PHACTR4: variants seen among roughly 807,000 people sequenced by gnomAD.
PHACTR4 encodes protein phosphatase 1, regulatory subunit 124.
Under a neutral mutation model 72.7 loss-of-function variants are expected in PHACTR4, and 51 were observed. The ratio of observed to expected loss-of-function variants is 0.70; its 90% CI spans 0.56 to 0.89. The LOEUF is 0.89. PHACTR4 is among the 40% of genes least tolerant of loss of function. The pLI is 0.00. For synonymous variants in PHACTR4, 255 were observed against 302.5 expected (o/e 0.84, Z 1.63); for missense variants, 731 against 861.8 (o/e 0.85, Z 1.90).
At chr1:28,417,185 A>G (rs755037219) in intron 2 of PHACTR4, among the ~76,000 whole-genome samples, 6 of 152,134 alleles carry the variant, frequency 3.9e-5, no homozygotes, top group Non-Finnish European at 7.4e-5. Context: ...GGTTTTGTGG[A>G]CAATTTAATT....
chr1:28,380,291 C>G (rs967512893), intron 1 of PHACTR4, among the ~76,000 whole-genome samples: 5 of 151,492 alleles, frequency 3.3e-5, no homozygotes, highest in Non-Finnish European at 7.4e-5. Context: ...CTCCTGACCT[C>G]GTGATCCGCC....
At chr1:28,395,998 T>C (rs1653473833) in intron 1 of PHACTR4, among the ~76,000 whole-genome samples, 1 of 149,136 alleles carries the variant, frequency 6.7e-6, no homozygotes, top group Non-Finnish European at 1.5e-5. Flanking sequence ...TTTCCATTTG[T>C]AAAACTCAGT....
At position 28,485,667 on chromosome 1, in the gene PHACTR4, G is replaced by A. The variant is rs193247082; in HGVS notation, c.1761-3503G>A. ...TATAATCCCAATACTTTGGGAGGCC[G>A]AGGCAGGCGTATCACGAGGTCAGGA... On this transcript the variant is annotated intron_variant, in intron 9 of 13. Coordinates refer to ENST00000373839, the MANE Select transcript of PHACTR4 (RefSeq NM_001048183.3). Among the ~76,000 whole-genome samples the A allele has an allele frequency of 1.3e-4, 19 of 151,518 alleles. No individual in the cohort carries two copies. In the East Asian group the frequency reaches 2.3e-3, roughly 19 times the overall value.
chr1:28,394,251 TAAA>T (rs552494493), intron 1 of PHACTR4, among the ~76,000 whole-genome samples: 5 of 53,358 alleles, frequency 9.4e-5, no homozygotes, highest in South Asian at 4.7e-4. Context: ...TTTTAGAAAG[TAAA>T]AAAAAAAAAA....
intron 1 of PHACTR4, among the ~76,000 whole-genome samples, chr1:28,380,981 C>T (rs1652114866): frequency 6.6e-6 from 1 of 151,640 alleles, no homozygotes; most frequent in Admixed American, 6.6e-5. Context: ...TCTTTTTCTC[C>T]ACAATCTCGC....
chr1:28,395,930 C>T (rs904803568), intron 1 of PHACTR4, among the ~76,000 whole-genome samples: 1 of 142,454 alleles, frequency 7.0e-6, no homozygotes, highest in Non-Finnish European at 1.5e-5. Context: ...TCCCAAAGTG[C>T]TGGGATTACA....
At chr1:28,392,175 AGT>A (rs1366182733) in intron 1 of PHACTR4, among the ~76,000 whole-genome samples, 1 of 152,128 alleles carries the variant, frequency 6.6e-6, no homozygotes, top group Non-Finnish European at 1.5e-5. Flanking sequence ...CATTCTGAGT[AGT>A]GTGATGAAAT....
intron 1 of PHACTR4, among the ~76,000 whole-genome samples, chr1:28,405,350 C>T (rs915435464): frequency 1.3e-5 from 2 of 151,538 alleles, no homozygotes; most frequent in Admixed American, 6.6e-5. Context: ...TTTTTGAGAC[C>T]GAATCTTACT....
At chr1:28,488,548 G>T (rs1210215336) in intron 9 of PHACTR4, among the ~76,000 whole-genome samples, 2 of 152,058 alleles carry the variant, frequency 1.3e-5, no homozygotes, top group African/African-American at 2.4e-5. Context: ...CCAGCAGTTT[G>T]GGGGGCCAAG....
In PHACTR4 at chr1:28,473,605, C is replaced by G. The variant is rs1659719444; in HGVS notation, c.875C>G (p.Pro292Arg). Residue 292 changes from proline to arginine, a missense_variant, in exon 7 of 14, where the codon CCA becomes CGA. Transcript: ENST00000373839. ...NSGTLLSKPSPPLPPKRGIPS... is the reference protein window; with the variant it reads ...NSGTLLSKPSRPLPPKRGIPS... ...GGTACATTGTTATCAAAACCGTCCC[C>G]ACCCTTACCACCTAAGAGAGGCATT... 6.2e-7 allele frequency: 1 copy of G among 1,613,876 alleles called. No homozygotes were observed. The highest frequency in any genetic ancestry group is 1.3e-5 in the African/African-American group (1 of 74,880).
intron 6 of PHACTR4, among the ~76,000 whole-genome samples, chr1:28,472,079 G>C (rs890691241): frequency 6.6e-6 from 1 of 152,064 alleles, no homozygotes; most frequent in South Asian, 2.1e-4. Context: ...CGGGAGTGGT[G>C]GTGGGCGCCT....
At position 28,498,123 on chromosome 1, in the gene PHACTR4, TCTC is replaced by T. The variant is rs1277975117; in HGVS notation, c.*1580_*1582del. The T allele has an allele frequency of 2.0e-5, 3 of 152,312 alleles. No individual in the cohort carries two copies. Among genetic ancestry groups the T allele is most frequent in the Non-Finnish European group, 2.9e-5 (2 of 68,042 alleles). The allele number at this position is 152,312 out of a possible 1,614,324, so 9.4% of individuals were successfully genotyped here. A position where few individuals can be genotyped will look rare whatever the true frequency, so the allele number is the denominator to read the frequency against. On this transcript the variant is annotated 3_prime_UTR_variant, in exon 14 of 14. Transcript: ENST00000373839. ...AAATCACTTCGACCAATAAATGTAT[TCTC>T]CTCCTTAAAGCAGAGTTGTATCAAC...
At chr1:28,459,387 TC>T in intron 3 of PHACTR4, 129 bp downstream of exon 3, 1 of 737,932 alleles carries the variant, frequency 1.4e-6, no homozygotes, top group Non-Finnish European at 2.1e-6. Flanking sequence ...TTTTATTCTT[TC>T]CTTCTTCTTT....
chr1:28,407,573 C>A, intron 2 of PHACTR4, 110 bp downstream of exon 2: 2 of 831,334 alleles, frequency 2.4e-6, no homozygotes, highest in Non-Finnish European at 3.8e-6. Flanking sequence ...ATGCTACTCT[C>A]TAGAATAATG....
intron 2 of PHACTR4, among the ~76,000 whole-genome samples, chr1:28,443,215 T>C (rs561946760): frequency 9.2e-5 from 14 of 152,264 alleles, no homozygotes; most frequent in Admixed American, 8.5e-4. Flanking sequence ...TAACTTAAAA[T>C]AATGTCCTTA....
chr1:28,464,547 A>G (rs1419469784), intron 4 of PHACTR4, among the ~76,000 whole-genome samples: 2 of 151,704 alleles, frequency 1.3e-5, no homozygotes, highest in African/African-American at 4.8e-5. Flanking sequence ...GACCATCTCA[A>G]CTCCAGCTCA....
chr1:28,404,666 G>A (rs1224032848), intron 1 of PHACTR4, among the ~76,000 whole-genome samples: 1 of 152,140 alleles, frequency 6.6e-6, no homozygotes, highest in African/African-American at 2.4e-5. Flanking sequence ...TTGGGGAACT[G>A]TTACTCTTCC....
intron 2 of PHACTR4, among the ~76,000 whole-genome samples, chr1:28,434,952 T>C (rs1001256311): frequency 2.6e-5 from 4 of 152,224 alleles, no homozygotes; most frequent in African/African-American, 9.6e-5. Context: ...CTACATAAAT[T>C]AGATTAGAAG....
chr1:28,496,416 G>A (rs1044133520), intron 13 of PHACTR4, 118 bp from the exon 14 acceptor site: 79 of 1,162,124 alleles, frequency 6.8e-5, no homozygotes, highest in Middle Eastern at 4.3e-4. Context: ...AGGTCAGGTC[G>A]AATTAGAGCA....
Sources: allele counts gnomAD v4.1 joint callset (sites outside exome capture counted in the v4.1 genomes callset), GRCh38; gene constraint gnomAD v4.1.1; transcripts MANE v1.5; gene names NCBI Gene and HGNC (gene_info 2026-07-23, HGNC 2026-07-21).